Variants in CDK5RAP2 observed in about 807,000 individuals in gnomAD.
CDK5RAP2 encodes the protein CDK5 regulatory subunit associated protein 2.
CDK5RAP2 carries 147 observed loss-of-function variants against 232.9 expected under a neutral mutation model. The observed-to-expected ratio is 0.63, with a 90% confidence interval of 0.55 to 0.72. The LOEUF is 0.72. Among genes scored for constraint, CDK5RAP2 ranks in the 30% least tolerant of loss-of-function variants. CDK5RAP2 has a pLI of 0.00. For missense variants in CDK5RAP2, 2,195 were observed against 2,231.5 expected, an observed-to-expected ratio of 0.98 and a Z score of 0.33; for synonymous variants, 833 against 833.7, an observed-to-expected ratio of 1.00 and a Z score of 0.01.
At chr9:120,576,844 A>G (rs1318407816) in intron 1 of CDK5RAP2, among the ~76,000 whole-genome samples, 4 of 152,164 alleles carry the variant, frequency 2.6e-5, no homozygotes, top group Non-Finnish European at 4.4e-5. Context: ...GCAAGGCAGA[A>G]GCAGGAGGAT....
At position 120,409,170 on chromosome 9, in the gene CDK5RAP2, G is replaced by C; in HGVS notation, c.4561C>G (p.Gln1521Glu). The change falls in exon 30 of 38, where the codon CAG becomes GAG. Residue 1521 changes from glutamine to glutamate, a missense_variant. By Grantham distance (29) the Gln-to-Glu change is conservative. Coordinates refer to ENST00000349780, the MANE Select transcript of CDK5RAP2 (RefSeq NM_018249.6). Reference protein sequence around the residue: ...EGSEKERHNQQLIQEVRCSGQ... With the variant: ...EGSEKERHNQELIQEVRCSGQ... ...CTGCAGCGGACCTCCTGGATCAGCT[G>C]CTGGTTGTGTCTCTCCTTCTCGCTG... 6.2e-7 allele frequency: 1 copy of C among 1,613,352 alleles called. No individual in the cohort carries two copies. The highest frequency in any genetic ancestry group is 8.5e-7 in the Non-Finnish European group (1 of 1,180,028).
chr9:120,399,259 A>G (rs1033898575), intron 35 of CDK5RAP2, among the ~76,000 whole-genome samples: 2 of 152,196 alleles, frequency 1.3e-5, no homozygotes, highest in African/African-American at 4.8e-5. Flanking sequence ...TCTATGTAAC[A>G]GTTACTACAA....
At chr9:120,551,873 T>C (rs1010050549) in intron 3 of CDK5RAP2, among the ~76,000 whole-genome samples, 1 of 152,232 alleles carries the variant, frequency 6.6e-6, no homozygotes, top group African/African-American at 2.4e-5. Context: ...GAGTGCTGTG[T>C]GCAAAATAAA....
chr9:120,409,002 G>A (rs2033671734), intron 30 of CDK5RAP2, 125 bp downstream of exon 30: 1 of 853,938 alleles, frequency 1.2e-6, no homozygotes, highest in South Asian at 1.4e-5. Context: ...GACGTACAAT[G>A]TGTTTGTGTC....
chr9:120,547,008 T>C (rs535891515), intron 4 of CDK5RAP2, among the ~76,000 whole-genome samples: 1 of 151,602 alleles, frequency 6.6e-6, no homozygotes, highest in East Asian at 1.9e-4. Flanking sequence ...TTTTTTGAGA[T>C]GAAATCTTGC....
intron 4 of CDK5RAP2, among the ~76,000 whole-genome samples, chr9:120,548,740 A>G (rs1334348566): frequency 6.6e-6 from 1 of 152,240 alleles, no homozygotes; most frequent in Non-Finnish European, 1.5e-5. Context: ...TCAGCCCAAG[A>G]GTTCAAGGTT....
chr9:120,491,449 C>A lies in CDK5RAP2; in HGVS notation c.1340G>T (p.Arg447Leu). The change falls in exon 13 of 38, where the codon CGC becomes CTC. Residue 447 changes from arginine to leucine, a missense_variant. Coordinates refer to ENST00000349780, the MANE Select transcript of CDK5RAP2 (RefSeq NM_018249.6). ...RDLRNEVEKL[R>L]NEVNEREKAM... ...TTTCTCTCTTTCATTCACTTCATTG[C>A]GTAATTTTTCAACTTCATTTCTAAG... The A allele has an allele frequency of 6.2e-7, 1 of 1,611,216 alleles. No individual in the cohort carries two copies. The highest frequency in any genetic ancestry group is 8.5e-7 in the Non-Finnish European group (1 of 1,178,842).
chr9:120,398,186 A>G (rs2131240329), intron 35 of CDK5RAP2, among the ~76,000 whole-genome samples: 1 of 152,344 alleles, frequency 6.6e-6, no homozygotes, highest in South Asian at 2.1e-4. Flanking sequence ...AAAGTTCATA[A>G]AATTCTTTTA....
intron 12 of CDK5RAP2, among the ~76,000 whole-genome samples, chr9:120,493,551 A>G (rs556197828): frequency 6.6e-6 from 1 of 152,368 alleles, no homozygotes; most frequent in Non-Finnish European, 1.5e-5. Context: ...AATATTTGAA[A>G]GTACAAATGA....
intron 12 of CDK5RAP2, among the ~76,000 whole-genome samples, chr9:120,513,056 A>G (rs1283988500): frequency 6.6e-6 from 1 of 152,184 alleles, no homozygotes; most frequent in Non-Finnish European, 1.5e-5. Flanking sequence ...ATTTGAGTAA[A>G]CATGAGAGGG....
intron 7 of CDK5RAP2, among the ~76,000 whole-genome samples, chr9:120,534,570 G>T (rs2041302878): frequency 1.3e-5 from 2 of 152,122 alleles, no homozygotes; most frequent in African/African-American, 4.8e-5. Flanking sequence ...GTGCTGAGTA[G>T]AAGATGCTCA....
chr9:120,570,994 G>A lies in CDK5RAP2; in HGVS notation c.127+980C>T, dbSNP rs111571070. 6.2e-3 allele frequency among the ~76,000 whole-genome samples: 945 copies of A among 152,162 alleles called. 10 individuals are homozygous for A. Among genetic ancestry groups the A allele is most frequent in the African/African-American group, 0.021 (878 of 41,508 alleles). ...CTGGGCAACATGGCAAAACCGTCCT[G>A]CAAAAAATACAAAAATTAGCCAGGT... On this transcript the variant is annotated intron_variant, in intron 2 of 37. Coordinates refer to ENST00000349780, the MANE Select transcript of CDK5RAP2 (RefSeq NM_018249.6).
chr9:120,418,940 C>T (rs187452296), intron 27 of CDK5RAP2, among the ~76,000 whole-genome samples: 82 of 152,280 alleles, frequency 5.4e-4, no homozygotes, highest in Middle Eastern at 3.4e-3. Flanking sequence ...TGGTCGGAGG[C>T]AGAGCAAAGG....
intron 23 of CDK5RAP2, chr9:120,440,276 A>C: frequency 2.4e-6 from 1 of 413,436 alleles, no homozygotes; most frequent in South Asian, 2.4e-5. Flanking sequence ...ATTCATCGAC[A>C]TTCCCAGTAT....
At position 120,528,726 on chromosome 9, in the gene CDK5RAP2, A is replaced by T. The variant is rs758131008; in HGVS notation, c.879+18T>A. On this transcript the variant is annotated intron_variant, in intron 9 of 37. Coordinates refer to ENST00000349780, the MANE Select transcript of CDK5RAP2 (RefSeq NM_018249.6). ...AGGCTAAATCTTCAATACATTTTTT[A>T]AAATTGTATCAACATACCTGGATCC... 12 of 1,502,754 alleles carry T rather than the reference A, an allele frequency of 8.0e-6. No individual in the cohort carries two copies. The African/African-American group carries it at 8.2e-5, about 10-fold the overall frequency. The allele number at this position is 1,502,754 out of a possible 1,614,324, so 93.1% of individuals were successfully genotyped here.
intron 4 of CDK5RAP2, among the ~76,000 whole-genome samples, chr9:120,548,475 G>A (rs2041931846): frequency 6.6e-6 from 1 of 152,018 alleles, no homozygotes; most frequent in Non-Finnish European, 1.5e-5. Flanking sequence ...CAAAAGTCAG[G>A]GCACCTTCAA....
intron 36 of CDK5RAP2, among the ~76,000 whole-genome samples, chr9:120,390,478 A>G (rs987805524): frequency 6.6e-6 from 1 of 152,174 alleles, no homozygotes; most frequent in Non-Finnish European, 1.5e-5. Flanking sequence ...CGCCCGGAGC[A>G]CTGTACTAGA....
intron 22 of CDK5RAP2, among the ~76,000 whole-genome samples, chr9:120,446,321 G>A (rs182218904): frequency 1.3e-5 from 2 of 152,098 alleles, no homozygotes; most frequent in East Asian, 1.9e-4. Flanking sequence ...CCACCTCGTG[G>A]GTTCAAGCAA....
chr9:120,494,694 T>C (rs771225348), intron 12 of CDK5RAP2, among the ~76,000 whole-genome samples: 7 of 150,946 alleles, frequency 4.6e-5, no homozygotes, highest in African/African-American at 9.7e-5. Flanking sequence ...GAAGGAAAGA[T>C]AGAAAAAGAA....
Sources: gnomAD v4.1 joint callset for allele counts (sites outside exome capture counted in the v4.1 genomes callset) on GRCh38, gnomAD v4.1.1 for gene constraint, MANE v1.5 for transcripts, NCBI Gene and HGNC (gene_info 2026-07-23, HGNC 2026-07-21) for gene names.